Variants in TGM3 observed in about 807,000 individuals in gnomAD.
TGM3 encodes the protein protein-glutamine gamma-glutamyltransferase E.
A neutral mutation model predicts 73.8 loss-of-function variants in TGM3; 52 were observed. The observed-to-expected ratio is 0.70, with a 90% CI of 0.56 to 0.89. The LOEUF (loss-of-function observed/expected upper bound fraction) is 0.89. TGM3 is among the 40% of genes least tolerant of loss of function. The pLI is 0.00. For synonymous variants in TGM3, 372 were observed against 354.9 expected (o/e 1.05, Z -0.54); for missense variants, 928 against 909.9 (o/e 1.02, Z -0.26).
At chr20:2,313,159 C>T in intron 5 of TGM3, 133 bp downstream of exon 5, 1 of 1,290,612 alleles carries the variant, frequency 7.7e-7, no homozygotes, top group South Asian at 1.4e-5. Flanking sequence ...TTAGAACCAT[C>T]CACATTTTAC....
rs151209211 is a variant in TGM3, at chr20:2,338,002, C to T, written c.1801-1852C>T. ...CTTCGAGGCAAGTTCTTTCCTCCAC[C>T]TAAGCCTTCACCTAATCGAGACATT... On this transcript the variant is annotated intron_variant, in intron 11 of 12. Transcript: ENST00000381458. Among the ~76,000 whole-genome samples the T allele has an allele frequency of 1.2e-4, 19 of 152,302 alleles. No individual in the cohort carries two copies. The East Asian group carries it at 3.7e-3, about 29-fold the overall frequency.
intron 7 of TGM3, among the ~76,000 whole-genome samples, chr20:2,319,789 G>T (rs2084253586): frequency 6.6e-6 from 1 of 152,192 alleles, no homozygotes; most frequent in South Asian, 2.1e-4. Context: ...ATGGTTGGGG[G>T]AGCCAGCCCT....
rs141856729 is a variant in TGM3 at position 2,332,426 on chromosome 20, G to A, written c.1642+116G>A. On this transcript the variant is annotated intron_variant, in intron 10 of 12. Coordinates refer to ENST00000381458, the MANE Select transcript of TGM3 (RefSeq NM_003245.4). This position sits in a 1 kb window ranked among gnomAD's most constrained non-coding sequence, Gnocchi z 4.4. The stretch of plus-strand genomic sequence containing the variant: ...GTCAGCTACGAATGGAGCAGCCAGC[G>A]GCCCCTGTGGTTAAGCCATGTATTA... The A allele has an allele frequency of 9.5e-4, 956 of 1,010,092 alleles. 2 individuals carry two copies. The highest frequency in any genetic ancestry group is 1.2e-3 in the Non-Finnish European group (874 of 709,424). 62.6% of individuals were successfully genotyped at this position (1,010,092 alleles called of 1,614,324 possible).
chr20:2,303,943 A>G (rs2084164853), intron 1 of TGM3, among the ~76,000 whole-genome samples: 1 of 152,190 alleles, frequency 6.6e-6, no homozygotes, highest in African/African-American at 2.4e-5. Flanking sequence ...AATAAAGGTT[A>G]GGAGTATGTG....
At position 2,317,167 on chromosome 20, in the gene TGM3, C is replaced by G; in HGVS notation, c.769C>G (p.Leu257Val). The G allele has an allele frequency of 1.9e-6, 3 of 1,614,058 alleles. No homozygotes were observed. The highest frequency in any genetic ancestry group is 2.5e-6 in the Non-Finnish European group (3 of 1,180,010). ...GAGCTGGAACGGCAGCGTGGAGATCCTCAAAAATTGGAAAAAATCTGGCTT... is the reference window on the plus strand; with the variant it reads ...GAGCTGGAACGGCAGCGTGGAGATCGTCAAAAATTGGAAAAAATCTGGCTT... ...PRSWNGSVEI[L>V]KNWKKSGFSP... The change falls in exon 6 of 13, where the codon CTC (leucine) becomes GTC (valine). Residue 257 changes from leucine to valine, a missense_variant. Physicochemically the swap from Leu to Val is conservative, Grantham distance 32 (BLOSUM62 1). Coordinates refer to ENST00000381458, the MANE Select transcript of TGM3 (RefSeq NM_003245.4).
chr20:2,325,096 T>C (rs1384804470), intron 7 of TGM3, among the ~76,000 whole-genome samples: 1 of 152,254 alleles, frequency 6.6e-6, no homozygotes, highest in Non-Finnish European at 1.5e-5. Context: ...AAATATTTTT[T>C]TCCACGTTGA....
chr20:2,324,089 T>A (rs2084274866), intron 7 of TGM3, among the ~76,000 whole-genome samples: 1 of 152,200 alleles, frequency 6.6e-6, no homozygotes, highest in African/African-American at 2.4e-5. Flanking sequence ...TCAAATTGGA[T>A]AATTTCTAGT....
intron 1 of TGM3, among the ~76,000 whole-genome samples, chr20:2,301,741 C>A (rs1414639720): frequency 1.3e-5 from 2 of 151,928 alleles, no homozygotes; most frequent in African/African-American, 4.8e-5. Context: ...CCCTCTGTCG[C>A]CCAGGCAGGA....
chr20:2,304,678 C>T (rs747048806), intron 1 of TGM3, among the ~76,000 whole-genome samples: 9 of 152,134 alleles, frequency 5.9e-5, no homozygotes, highest in Admixed American at 2.6e-4. Flanking sequence ...ACTTCTTAAC[C>T]GCCAAATGTG....
rs45595934 is a variant in TGM3 at position 2,309,307 on chromosome 20, C to G, written c.8-350C>G. On this transcript the variant is annotated intron_variant, in intron 1 of 12. Coordinates refer to ENST00000381458, the MANE Select transcript of TGM3 (RefSeq NM_003245.4). The stretch of plus-strand genomic sequence containing the variant: ...ATGGAGCTCCACTGAACATTTGGCC[C>G]GTTCCTTAAGGGCCGAGTGACAGCT... Among the ~76,000 whole-genome samples, 14 of 152,246 alleles carry G rather than the reference C, an allele frequency of 9.2e-5. No homozygotes were observed. In the East Asian group the frequency reaches 2.7e-3, roughly 29 times the overall value.
chr20:2,315,443 G>A (rs989187618), intron 5 of TGM3, among the ~76,000 whole-genome samples: 7 of 152,230 alleles, frequency 4.6e-5, no homozygotes, highest in African/African-American at 1.7e-4. Flanking sequence ...GCCTGACTCT[G>A]CCATGACAGC....
In TGM3 at chr20:2,328,500, T is replaced by G; in HGVS notation, c.1333+135T>G. On this transcript the variant is annotated intron_variant, in intron 9 of 12. Coordinates refer to ENST00000381458, the MANE Select transcript of TGM3 (RefSeq NM_003245.4). The surrounding 1 kb of genome is among the most constrained non-coding windows in gnomAD (Gnocchi z 5.2). ...CTGCCTGAATGATAGGATTGCTCCC[T>G]AGCACCTAACATCCACCTCCCAGGA... The G allele has an allele frequency of 8.0e-7, 1 of 1,257,212 alleles. No homozygotes were observed. The highest frequency in any genetic ancestry group is 2.2e-5 in the Admixed American group (1 of 46,374). The allele number at this position is 1,257,212 out of a possible 1,614,324, so 77.9% of individuals were successfully genotyped here.
rs1031497167 is a variant in TGM3, at chr20:2,301,737, G to A, written c.7+5667G>A. Among the ~76,000 whole-genome samples the A allele has an allele frequency of 3.3e-5, 5 of 151,434 alleles. No homozygotes were observed. In the East Asian group the frequency reaches 9.7e-4, roughly 29 times the overall value. ...TTTTTTTGAGACGGAGTCTCCCTCT[G>A]TCGCCCAGGCAGGAGTGCAGTGGTG... On this transcript the variant is annotated intron_variant, in intron 1 of 12. Transcript: ENST00000381458.
At chr20:2,340,362 G>A in intron 12 of TGM3, 72 bp from the exon 13 acceptor site, 3 of 1,587,414 alleles carry the variant, frequency 1.9e-6, no homozygotes, top group Non-Finnish European at 1.7e-6. Flanking sequence ...CAGGACAGGA[G>A]GTCACAGGAG....
At position 2,312,984 on chromosome 20, in the gene TGM3, C is replaced by G; in HGVS notation, c.627C>G (p.Ser209Arg). ...FRRDAATDVASRNDPKYVGRV... is the reference protein window; with the variant it reads ...FRRDAATDVARRNDPKYVGRV... ...GTGACGCTGCTACTGATGTGGCCAG[C>G]AGAAATGACCCCAAATACGTTGGCC... is the stretch of plus-strand genomic sequence containing the variant. The change falls in exon 5 of 13, where the codon AGC becomes AGG. Residue 209 changes from serine (S) to arginine (R), a missense_variant. Coordinates refer to ENST00000381458, the MANE Select transcript of TGM3 (RefSeq NM_003245.4). 1 of 1,614,178 alleles carries G rather than the reference C, an allele frequency of 6.2e-7. No homozygotes were observed. Among genetic ancestry groups the G allele is most frequent in the Non-Finnish European group, 8.5e-7 (1 of 1,180,028 alleles).
At position 2,307,812 on chromosome 20, in the gene TGM3, A is replaced by C. The variant is rs2084183205; in HGVS notation, c.8-1845A>C. ...GTAGACTAAATTTTCAGCTGTCGTC[A>C]TGATGGTCATCGCATGATATTAGTC... On this transcript the variant is annotated intron_variant, in intron 1 of 12. Transcript: ENST00000381458. Among the ~76,000 whole-genome samples, 6 of 152,178 alleles carry C rather than the reference A, an allele frequency of 3.9e-5. No homozygotes were observed. In the South Asian group the frequency reaches 1.2e-3, roughly 31 times the overall value.
chr20:2,325,705 A>G, intron 7 of TGM3, 144 bp from the exon 8 acceptor site: 4 of 655,208 alleles, frequency 6.1e-6, no homozygotes, highest in Non-Finnish European at 1.1e-5. Flanking sequence ...GATGCTCACC[A>G]GGGCTTAGCA....
At chr20:2,317,291 G>A (rs777602982) in intron 6 of TGM3, 46 bp downstream of exon 6, 2 of 1,613,806 alleles carry the variant, frequency 1.2e-6, no homozygotes, top group Admixed American at 1.7e-5. Flanking sequence ...GGGTGGCAGT[G>A]GGCTATGCCA....
In TGM3 at chr20:2,334,374, A is replaced by G. The variant is rs2084336799; in HGVS notation, c.1643-742A>G. ...GAAGTCACATGTGACACAGAAGAAG[A>G]GTGATTTAGAAAACAAAACAGAACA... On this transcript the variant is annotated intron_variant, in intron 10 of 12. Coordinates refer to ENST00000381458, the MANE Select transcript of TGM3 (RefSeq NM_003245.4). The surrounding 1 kb of genome is among the most constrained non-coding windows in gnomAD (Gnocchi z 4.0). Among the ~76,000 whole-genome samples the G allele has an allele frequency of 6.6e-6, 1 of 152,238 alleles. No homozygotes were observed. The highest frequency in any genetic ancestry group is 2.4e-5 in the African/African-American group (1 of 41,454).
Sources: gnomAD v4.1 joint callset for allele counts (sites outside exome capture counted in the v4.1 genomes callset) on GRCh38, gnomAD v4.1.1 for gene constraint, Gnocchi (gnomAD v3.1) non-coding constraint, MANE v1.5 for transcripts, NCBI Gene and HGNC (gene_info 2026-07-23, HGNC 2026-07-21) for gene names.